The following ST18 variants were observed in gnomAD, a reference collection of about 807,000 sequenced individuals.
ST18 encodes ST18 C2H2C-type zinc finger transcription factor, also known as suppression of tumorigenicity 18 protein.
Under a neutral mutation model 110.0 loss-of-function variants are expected in ST18, and 50 were observed. The ratio of observed to expected loss-of-function variants is 0.45; its 90% CI spans 0.36 to 0.58. ST18 has a LOEUF of 0.58. Ranked by LOEUF, ST18 falls within the 20% of genes least tolerant of loss-of-function variation. ST18 has a pLI of 0.00. For missense variants in ST18, 1,306 were observed against 1,280.1 expected (o/e 1.02, Z -0.31); for synonymous variants, 461 against 452.4 (o/e 1.02, Z -0.24).
At chr8:52,303,818 A>G (rs2095768893) in intron 2 of ST18, among the ~76,000 whole-genome samples, 1 of 152,186 alleles carries the variant, frequency 6.6e-6, no homozygotes. Context: ...TAAGACACTA[A>G]ATGCAGTGCT....
intron 2 of ST18, among the ~76,000 whole-genome samples, chr8:52,345,479 T>A (rs949812622): frequency 1.3e-5 from 2 of 152,234 alleles, no homozygotes; most frequent in African/African-American, 4.8e-5. Flanking sequence ...CCCAGAAGGT[T>A]CTGTTAAGAG....
intron 10 of ST18, among the ~76,000 whole-genome samples, chr8:52,168,010 T>C (rs1045773902): frequency 2.6e-4 from 40 of 151,886 alleles, no homozygotes; most frequent in Middle Eastern, 3.2e-3. Context: ...TATTCAGAAA[T>C]GTTCACATTC....
chr8:52,317,446 T>C (rs1012981381), intron 2 of ST18, among the ~76,000 whole-genome samples: 17 of 152,340 alleles, frequency 1.1e-4, no homozygotes, highest in African/African-American at 3.8e-4. Flanking sequence ...GGAGGGAGCA[T>C]GGCCCTGCCA....
At chr8:52,334,497 T>C (rs1453371194) in intron 2 of ST18, among the ~76,000 whole-genome samples, 1 of 152,216 alleles carries the variant, frequency 6.6e-6, no homozygotes, top group Non-Finnish European at 1.5e-5. Context: ...AAAATTTAAA[T>C]GTATACAAGG....
At chr8:52,119,733 A>C (rs1563495341) in intron 23 of ST18, among the ~76,000 whole-genome samples, 1 of 152,188 alleles carries the variant, frequency 6.6e-6, no homozygotes, top group Non-Finnish European at 1.5e-5. Context: ...ATTCTTAGTA[A>C]TTTAGTGCGA....
chr8:52,405,986 TCAGA>T (rs1405372724), intron 2 of ST18: 1 of 152,202 alleles, frequency 6.6e-6, no homozygotes, highest in Non-Finnish European at 1.5e-5. Context: ...AGCCCTGTAC[TCAGA>T]CAGCAATCTG....
chr8:52,219,446 A>G (rs761458123), intron 5 of ST18, among the ~76,000 whole-genome samples: 1 of 152,212 alleles, frequency 6.6e-6, no homozygotes, highest in Non-Finnish European at 1.5e-5. Flanking sequence ...ACATATTTAT[A>G]ATTTTCAAAA....
chr8:52,332,121 C>T (rs536681416), intron 2 of ST18, among the ~76,000 whole-genome samples: 1 of 151,696 alleles, frequency 6.6e-6, no homozygotes, highest in South Asian at 2.1e-4. Flanking sequence ...GTTACATTTG[C>T]CATTATAAGT....
chr8:52,249,969 G>A (rs1385761021), intron 2 of ST18, among the ~76,000 whole-genome samples: 2 of 144,570 alleles, frequency 1.4e-5, no homozygotes, highest in East Asian at 2.3e-4. Flanking sequence ...TCCTCCCCCC[G>A]ACCCCAGCCC....
At chr8:52,210,681 T>TAAATAA (rs1005660146) in intron 8 of ST18, among the ~76,000 whole-genome samples, 2 of 151,630 alleles carry the variant, frequency 1.3e-5, no homozygotes, top group African/African-American at 2.4e-5. Flanking sequence ...AAAAAATAAA[T>TAAATAA]AAATAAAAAT....
At chr8:52,397,357 T>C (rs543005244) in intron 2 of ST18, among the ~76,000 whole-genome samples, 3 of 152,210 alleles carry the variant, frequency 2.0e-5, no homozygotes, top group Admixed American at 6.5e-5. Flanking sequence ...ACTATAAGAG[T>C]TCTTCATAAA....
At chr8:52,135,372 C>G (rs2051595838) in intron 19 of ST18, among the ~76,000 whole-genome samples, 1 of 151,778 alleles carries the variant, frequency 6.6e-6, no homozygotes, top group African/African-American at 2.4e-5. Flanking sequence ...ACCAGCCTGG[C>G]CAACATGGTG....
chr8:52,200,668 C>A (rs931791096), intron 8 of ST18, among the ~76,000 whole-genome samples: 7 of 152,024 alleles, frequency 4.6e-5, no homozygotes, highest in Non-Finnish European at 2.9e-5. Context: ...TGGAGTGAGC[C>A]GCGATGGCTT....
intron 9 of ST18, among the ~76,000 whole-genome samples, chr8:52,174,523 A>C (rs1332763860): frequency 6.6e-6 from 1 of 152,214 alleles, no homozygotes; most frequent in East Asian, 1.9e-4. Context: ...TCTAGAAAGC[A>C]ACAATTACCT....
intron 2 of ST18, among the ~76,000 whole-genome samples, chr8:52,244,645 A>G (rs574480797): frequency 6.6e-6 from 1 of 152,324 alleles, no homozygotes; most frequent in South Asian, 2.1e-4. Flanking sequence ...CAGGTCTGAC[A>G]TTCTGCAGAT....
chr8:52,298,780 C>T (rs1158683487), intron 2 of ST18, among the ~76,000 whole-genome samples: 1 of 152,168 alleles, frequency 6.6e-6, no homozygotes, highest in Admixed American at 6.5e-5. Flanking sequence ...AAATAGAGAA[C>T]TAATAATTGT....
chr8:52,378,364 T>C (rs185156146), intron 2 of ST18, among the ~76,000 whole-genome samples: 1 of 152,124 alleles, frequency 6.6e-6, no homozygotes, highest in African/African-American at 2.4e-5. Context: ...ACCCCACAAA[T>C]ATATACAACT....
chr8:52,389,326 CAGGAAAG>C (rs1838395105), intron 2 of ST18, among the ~76,000 whole-genome samples: 1 of 152,184 alleles, frequency 6.6e-6, no homozygotes, highest in African/African-American at 2.4e-5. Context: ...TGGAGGTTTG[CAGGAAAG>C]CTGCTGTTTC....
intron 2 of ST18, among the ~76,000 whole-genome samples, chr8:52,232,908 A>C (rs1231289744): frequency 6.6e-6 from 1 of 152,016 alleles, no homozygotes. Context: ...TTAGTGTTCT[A>C]AACATGAACT....
Sources: allele counts gnomAD v4.1 joint callset (sites outside exome capture counted in the v4.1 genomes callset), GRCh38; gene constraint gnomAD v4.1.1; transcripts MANE v1.5; gene names NCBI Gene and HGNC (gene_info 2026-07-23, HGNC 2026-07-21).